The following HELLS variants were observed in gnomAD, a reference collection of about 807,000 sequenced individuals.
The protein encoded by HELLS is helicase, lymphoid specific.
A neutral mutation model predicts 120.0 loss-of-function variants in HELLS; 32 were observed. The ratio of observed to expected loss-of-function variants is 0.27; its 90% CI spans 0.20 to 0.36. HELLS has a LOEUF of 0.36. Among genes scored for constraint, HELLS ranks in the 10% least tolerant of loss-of-function variants. The pLI, the probability that HELLS is intolerant of heterozygous loss-of-function variation, is 1.00. For missense variants in HELLS, 650 were observed against 993.4 expected (o/e 0.65, Z 4.65); for synonymous variants, 341 against 323.4 (o/e 1.05, Z -0.58).
intron 6 of HELLS, chr10:94,570,274 C>T (rs1400732881): frequency 1.3e-5 from 2 of 152,094 alleles, no homozygotes; most frequent in East Asian, 3.9e-4. Flanking sequence ...AATAAGAATA[C>T]TTCATTGGTG....
chr10:94,584,166 G>T (rs1221056559), intron 12 of HELLS: 2 of 835,636 alleles, frequency 2.4e-6, no homozygotes, highest in East Asian at 3.3e-5. Context: ...TAAAAAGGAT[G>T]ATTATTGCTG....
At chr10:94,608,763 G>A (rs890976718) in intron 9 of HELLS, among the ~76,000 whole-genome samples, 2 of 151,918 alleles carry the variant, frequency 1.3e-5, no homozygotes, top group Non-Finnish European at 2.9e-5. Context: ...GACTGCAAAC[G>A]TGTGCCAGTA....
chr10:94,596,833 A>G (rs1171968729), intron 19 of HELLS, 27 bp from the exon 20 acceptor site: 2 of 1,141,738 alleles, frequency 1.8e-6, no homozygotes, highest in African/African-American at 1.6e-5. Flanking sequence ...AGGAATTTTA[A>G]TGTTTTTAAT....
chr10:94,550,437 C>G (rs1341403118), intron 2 of HELLS, among the ~76,000 whole-genome samples: 2 of 152,104 alleles, frequency 1.3e-5, no homozygotes, highest in African/African-American at 2.4e-5. Context: ...TGCCACCACG[C>G]CCAGCTAATT....
chr10:94,607,415 G>C (rs1008728275), intron 8 of HELLS, among the ~76,000 whole-genome samples: 3 of 152,136 alleles, frequency 2.0e-5, no homozygotes, highest in African/African-American at 7.2e-5. Flanking sequence ...TTAGTTTCCA[G>C]ATTTTAGTAA....
At position 94,599,116 on chromosome 10, in the gene HELLS, A is replaced by G. The variant is rs144122894; in HGVS notation, c.2422+2005A>G. On this transcript the variant is annotated intron_variant, in intron 21 of 21. Coordinates refer to ENST00000348459, the MANE Select transcript of HELLS (RefSeq NM_018063.5). ...TTGTTCTTTTTCAAAATTGTTTTAG[A>G]TATTCTGGATTATTTGCATGTTTAT... Among the ~76,000 whole-genome samples the G allele has an allele frequency of 2.8e-4, 43 of 152,198 alleles. No individual in the cohort carries two copies. The East Asian group carries it at 6.6e-3, about 23-fold the overall frequency.
At chr10:94,580,254 G>T (rs181876772) in intron 10 of HELLS, among the ~76,000 whole-genome samples, 189 of 141,542 alleles carry the variant, frequency 1.3e-3, no homozygotes, top group African/African-American at 4.8e-3. Context: ...GCACGATCTC[G>T]GCTTACTGCA....
At chr10:94,589,955 G>T (rs1473506644) in intron 13 of HELLS, among the ~76,000 whole-genome samples, 1 of 151,800 alleles carries the variant, frequency 6.6e-6, no homozygotes, top group African/African-American at 2.4e-5. Flanking sequence ...CGAAAGTGCT[G>T]GGTTTACAGG....
chr10:94,579,875 A>G (rs915515520), intron 10 of HELLS, among the ~76,000 whole-genome samples: 3 of 152,012 alleles, frequency 2.0e-5, no homozygotes, highest in Non-Finnish European at 4.4e-5. Context: ...CTGTAATGAA[A>G]TAGTTAAGCT....
chr10:94,566,570 C>T (rs1843807939), intron 6 of HELLS, among the ~76,000 whole-genome samples: 1 of 152,020 alleles, frequency 6.6e-6, no homozygotes, highest in Non-Finnish European at 1.5e-5. Context: ...AGATTTTAAG[C>T]AAATTTCCAT....
intron 15 of HELLS, among the ~76,000 whole-genome samples, chr10:94,590,984 G>A (rs1310534370): frequency 1.3e-5 from 2 of 152,076 alleles, no homozygotes; most frequent in Non-Finnish European, 2.9e-5. Context: ...CTTTCTATGA[G>A]CAACTAGTTT....
intron 12 of HELLS, chr10:94,583,925 A>C: frequency 2.3e-6 from 1 of 428,744 alleles, no homozygotes; most frequent in Non-Finnish European, 4.1e-6. Flanking sequence ...TCAACAATAT[A>C]AACAAGGTTG....
At chr10:94,550,573 C>T (rs972838267) in intron 2 of HELLS, among the ~76,000 whole-genome samples, 21 of 152,046 alleles carry the variant, frequency 1.4e-4, no homozygotes, top group Non-Finnish European at 2.9e-5. Context: ...AGCCACCATG[C>T]CTGGCTGTAT....
Position 94,574,072 on chromosome 10 carries a change from T to A in HELLS, c.590T>A (p.Phe197Tyr), listed in dbSNP as rs1385029658. 1.2e-6 allele frequency: 2 copies of A among 1,613,718 alleles called. No homozygotes were observed. The highest frequency in any genetic ancestry group is 2.2e-5 in the South Asian group (2 of 91,078). Reference sequence around the variant, plus strand: ...GAAACGGTTAGGCAGAATACTAAATTCTTTTTTGACCCAGTCCGGAAGTGT... The same window carrying A: ...GAAACGGTTAGGCAGAATACTAAATACTTTTTTGACCCAGTCCGGAAGTGT... Reference protein sequence around the residue: ...LSETVRQNTKFFFDPVRKCNG... With the variant: ...LSETVRQNTKYFFDPVRKCNG... The change falls in exon 8 of 22, where the codon TTC becomes TAC. Residue 197 changes from phenylalanine (F) to tyrosine (Y), a missense_variant. By Grantham distance (22) the Phe-to-Tyr change is conservative. Coordinates refer to ENST00000348459, the MANE Select transcript of HELLS (RefSeq NM_018063.5).
intron 6 of HELLS, among the ~76,000 whole-genome samples, chr10:94,565,307 C>T (rs1843734873): frequency 6.6e-6 from 1 of 152,054 alleles, no homozygotes; most frequent in African/African-American, 2.4e-5. Flanking sequence ...TGCACTCCAG[C>T]CTGGGCAGCA....
At chr10:94,573,134 A>AG (rs1844261630) in intron 7 of HELLS, among the ~76,000 whole-genome samples, 1 of 132,378 alleles carries the variant, frequency 7.6e-6, no homozygotes, top group African/African-American at 2.6e-5. Context: ...TAATTTTTGT[A>AG]TTTTTAGTAG....
At position 94,551,880 on chromosome 10, in the gene HELLS, C is replaced by T. The variant is rs575614563; in HGVS notation, c.154-2246C>T. 2.6e-5 allele frequency among the ~76,000 whole-genome samples: 4 copies of T among 152,072 alleles called. No individual in the cohort carries two copies. In the East Asian group the frequency reaches 5.9e-4, roughly 22 times the overall value. ...TCAGCCTCCCAAGTAGCTGGGACTA[C>T]AGGCGCCTGCAACCACACGCGGCTA... On this transcript the variant is annotated intron_variant, in intron 2 of 21. Coordinates refer to ENST00000348459, the MANE Select transcript of HELLS (RefSeq NM_018063.5).
intron 3 of HELLS, among the ~76,000 whole-genome samples, chr10:94,554,654 T>G (rs60797426): frequency 0.012 from 1,753 of 141,854 alleles, 57 homozygotes; most frequent in African/African-American, 0.043. Context: ...GTTTTTTTTT[T>G]TGTTTTTTTT....
chr10:94,590,808 T>C (rs569015589), intron 15 of HELLS, 32 bp downstream of exon 15: 4 of 1,251,922 alleles, frequency 3.2e-6, no homozygotes, highest in Admixed American at 2.6e-5. Context: ...TTTACTGTTT[T>C]GATTTCCATT....
Sources: allele counts gnomAD v4.1 joint callset (sites outside exome capture counted in the v4.1 genomes callset), GRCh38; gene constraint gnomAD v4.1.1; transcripts MANE v1.5; gene names NCBI Gene and HGNC (gene_info 2026-07-23, HGNC 2026-07-21).